Variants in KCTD1 observed in about 807,000 individuals in gnomAD.
KCTD1 encodes the protein BTB/POZ domain-containing protein KCTD1.
Under a neutral mutation model 66.0 loss-of-function variants are expected in KCTD1, and 24 were observed. The observed-to-expected ratio is 0.36, with a 90% CI of 0.26 to 0.51. KCTD1 has a LOEUF of 0.51. Ranked by LOEUF, KCTD1 falls within the 20% of genes least tolerant of loss-of-function variation. KCTD1 has a pLI of 0.95. For synonymous variants in KCTD1, 511 were observed against 517.2 expected (o/e 0.99, Z 0.16); for missense variants, 943 against 1,205.2 (o/e 0.78, Z 3.22).
At position 26,620,348 on chromosome 18, in the gene KCTD1, TAAAAAAAAAAAAAAAAAAAAAAAA is replaced by T. The variant is rs10594272; in HGVS notation, c.-16+8775_-16+8798del. Among the ~76,000 whole-genome samples, 62 of 87,208 alleles carry T rather than the reference TAAAAAAAAAAAAAAAAAAAAAAAA, an allele frequency of 7.1e-4. 3 individuals carry two copies. The highest frequency in any genetic ancestry group is 3.3e-3 in the African/African-American group (60 of 18,144). The allele number at this position is 87,208 out of a possible 152,430, so 57.2% of individuals were successfully genotyped here. Reference sequence around the variant, plus strand: ...GTTTGCATTTGCTGAAGGTAAATCTTAAAAAAAAAAAAAAAAAAAAAAAAAAAAAAAAAAAAACTATAACAAGTT... The same window carrying T: ...GTTTGCATTTGCTGAAGGTAAATCTTAAAAAAAAAAAAACTATAACAAGTT... On this transcript the variant is annotated intron_variant, in intron 1 of 4. Coordinates refer to the KCTD1 transcript ENST00000317932.
intron 1 of KCTD1, among the ~76,000 whole-genome samples, chr18:26,598,202 T>C (rs951947909): frequency 6.6e-6 from 1 of 152,240 alleles, no homozygotes; most frequent in Non-Finnish European, 1.5e-5. Context: ...GATGGAATCA[T>C]AGAATATATG....
At chr18:26,544,398 G>C (rs1976913407) in intron 1 of KCTD1, 2 of 152,188 alleles carry the variant, frequency 1.3e-5, no homozygotes, top group South Asian at 4.1e-4. Flanking sequence ...TTCATCTTTA[G>C]GGAAACTTGC....
rs1985279393 is a variant in KCTD1, at chr18:26,547,143, G to A, written c.1394C>T (p.Ala465Val). Residue 465 changes from alanine to valine, a missense_variant, in exon 1 of 5, where the codon GCG becomes GTG. Physicochemically the swap from Ala to Val is moderately conservative, Grantham distance 64. This residue lies in a region of KCTD1 where 79 missense variants were observed against 133.9 expected (regional missense o/e 0.59). Transcript: ENST00000580059. ...CGAGCCCAGCTTGGTGCCAATGCCC[G>A]CGATGCTGTTGAGCGTGGCGATGGA... ...AVSIATLNSI[A>V]GIGTKLGSPA... 1.3e-6 allele frequency: 2 copies of A among 1,550,848 alleles called. No individual in the cohort carries two copies. The highest frequency in any genetic ancestry group is 1.7e-6 in the Non-Finnish European group (2 of 1,146,966).
upstream of KCTD1, among the ~76,000 whole-genome samples, chr18:26,633,004 G>T (rs1182293713): frequency 1.3e-5 from 2 of 152,014 alleles, no homozygotes; most frequent in African/African-American, 4.8e-5. Context: ...ATTCACTTCA[G>T]AATAAATGCT....
At chr18:26,558,772 A>C (rs993993935) in intron 1 of KCTD1, among the ~76,000 whole-genome samples, 2 of 151,918 alleles carry the variant, frequency 1.3e-5, no homozygotes, top group African/African-American at 4.8e-5. Context: ...AAATACAAAA[A>C]ATTAGCTGGG....
intron 1 of KCTD1, among the ~76,000 whole-genome samples, chr18:26,583,419 A>G (rs1986403997): frequency 1.4e-5 from 2 of 142,830 alleles, no homozygotes; most frequent in South Asian, 4.5e-4. Flanking sequence ...AAAAAAAAAG[A>G]AAAAGAAAAG....
intron 1 of KCTD1, among the ~76,000 whole-genome samples, chr18:26,625,738 A>G (rs1987484462): frequency 6.6e-6 from 1 of 152,236 alleles, no homozygotes; most frequent in Middle Eastern, 3.2e-3. Context: ...CATAAATAAG[A>G]TCCCAGGCAT....
In KCTD1 at chr18:26,507,542, A is replaced by AT. The variant is rs947780349; in HGVS notation, c.1810-6293dup. 1.2e-4 allele frequency among the ~76,000 whole-genome samples: 18 copies of AT among 151,204 alleles called. 1 individual carries two copies. The highest frequency in any genetic ancestry group is 1.2e-3 in the Admixed American group (18 of 15,160). On this transcript the variant is annotated intron_variant, in intron 1 of 4. Coordinates refer to ENST00000580059, the MANE Select transcript of KCTD1 (RefSeq NM_001142730.3). ...GTGCCACCACACTTGGCTAATTAAA[A>AT]TTTTTTTTTCTTTTGTAGAGATGGG...
At chr18:26,526,100 G>A (rs1259216606) in intron 1 of KCTD1, among the ~76,000 whole-genome samples, 4 of 152,058 alleles carry the variant, frequency 2.6e-5, no homozygotes, top group Non-Finnish European at 5.9e-5. Context: ...CTGGAGGCAG[G>A]TGGCCAGTCT....
intron 1 of KCTD1, among the ~76,000 whole-genome samples, chr18:26,618,777 AT>A (rs1224362077): frequency 6.6e-6 from 1 of 152,248 alleles, no homozygotes; most frequent in African/African-American, 2.4e-5. Context: ...TATTTTCCAA[AT>A]CAGGGTTGTT....
chr18:26,642,394 T>C (rs1341597336), upstream of KCTD1, among the ~76,000 whole-genome samples: 1 of 152,080 alleles, frequency 6.6e-6, no homozygotes, highest in East Asian at 1.9e-4. Flanking sequence ...AAATAAGCAA[T>C]GGTTGATGAG....
At position 26,548,200 on chromosome 18, in the gene KCTD1, C is replaced by A; in HGVS notation, c.337G>T (p.Glu113Ter). The A allele has an allele frequency of 6.6e-7, 1 of 1,506,648 alleles. No individual in the cohort carries two copies. The highest frequency in any genetic ancestry group is 8.8e-7 in the Non-Finnish European group (1 of 1,131,408). The allele number at this position is 1,506,648 out of a possible 1,614,324, so 93.3% of individuals were successfully genotyped here. The change falls in exon 1 of 5, where the codon GAG becomes TAG. Residue 113 changes from glutamate to a stop codon, truncating the protein, a stop_gained. Coordinates refer to ENST00000580059, the MANE Select transcript of KCTD1 (RefSeq NM_001142730.3). LOFTEE classifies it high-confidence loss of function. The stretch of plus-strand genomic sequence containing the variant: ...TGGACCGGCTCGGGCTCCAGCTCCT[C>A]CCCGGCCGAGTCCTCGGGCTCCAGG... ...EPLEPEDSAG[E>*]ELEPEPVHMI...
At chr18:26,466,571 C>A (rs1980746955) in intron 3 of KCTD1, among the ~76,000 whole-genome samples, 1 of 152,088 alleles carries the variant, frequency 6.6e-6, no homozygotes, top group Non-Finnish European at 1.5e-5. Context: ...TGCTGAAAAC[C>A]CTATATTGCA....
chr18:26,654,190 A>G (rs557226053), intron 1 of KCTD1, among the ~76,000 whole-genome samples: 1 of 152,338 alleles, frequency 6.6e-6, no homozygotes, highest in South Asian at 2.1e-4. Context: ...AAGTTCTCTG[A>G]TAAAATACAT....
chr18:26,509,324 C>T (rs572977872), intron 1 of KCTD1, among the ~76,000 whole-genome samples: 55 of 152,232 alleles, frequency 3.6e-4, no homozygotes, highest in African/African-American at 1.3e-3. Flanking sequence ...TTTCTAGTCA[C>T]TTTATTCACA....
intron 1 of KCTD1, among the ~76,000 whole-genome samples, chr18:26,593,919 G>A (rs1359252944): frequency 1.3e-5 from 2 of 151,884 alleles, no homozygotes; most frequent in Non-Finnish European, 2.9e-5. Flanking sequence ...GGACGAGGAG[G>A]AAGATGAGGA....
chr18:26,593,342 G>GGAAGAGGAGGAGGAC (rs1986658741), intron 1 of KCTD1, among the ~76,000 whole-genome samples: 5 of 42,080 alleles, frequency 1.2e-4, no homozygotes, highest in Non-Finnish European at 3.3e-4. Flanking sequence ...AGGAAGAGGA[G>GGAAGAGGAGGAGGAC]GAAGAGGAGG....
intron 2 of KCTD1, among the ~76,000 whole-genome samples, chr18:26,490,001 C>G (rs1982111310): frequency 6.6e-6 from 1 of 152,022 alleles, no homozygotes; most frequent in African/African-American, 2.4e-5. Flanking sequence ...AAAAACAGAG[C>G]AAAAATGCCT....
intron 3 of KCTD1, among the ~76,000 whole-genome samples, chr18:26,465,870 C>T (rs1315375360): frequency 6.6e-6 from 1 of 152,176 alleles, no homozygotes; most frequent in Non-Finnish European, 1.5e-5. Flanking sequence ...GGGAAAATAT[C>T]CTTGGGAGGA....
Sources: allele counts gnomAD v4.1 joint callset (sites outside exome capture counted in the v4.1 genomes callset), GRCh38; gene constraint gnomAD v4.1.1; regional missense constraint gnomAD v4.1.1; transcripts MANE v1.5; gene names NCBI Gene and HGNC (gene_info 2026-07-23, HGNC 2026-07-21).